The following EXOC3L4 variants were observed in gnomAD, a reference collection of about 807,000 sequenced individuals.
EXOC3L4 encodes exocyst complex component 3 like 4.
In EXOC3L4, 62 loss-of-function variants were observed where a neutral mutation model predicts 69.7. The observed-to-expected ratio is 0.89, with a 90% CI of 0.72 to 1.10. EXOC3L4 has a LOEUF of 1.10. Among genes scored for constraint, EXOC3L4 ranks in the 50% least tolerant of loss-of-function variants. EXOC3L4 has a pLI of 0.00. For synonymous variants in EXOC3L4, 502 were observed against 464.2 expected (o/e 1.08, Z -1.05); for missense variants, 1,087 against 1,034.8 (o/e 1.05, Z -0.69).
chr14:103,094,496 G>A (rs1002094314), upstream of EXOC3L4, among the ~76,000 whole-genome samples: 2 of 152,186 alleles, frequency 1.3e-5, no homozygotes, highest in African/African-American at 2.4e-5. Context: ...CTGCTGCCTC[G>A]AGACCCTGAG....
intron 3 of EXOC3L4, 28 bp downstream of exon 3, chr14:103,102,800 C>T (rs1412598332): frequency 6.1e-6 from 8 of 1,318,020 alleles, no homozygotes; most frequent in Non-Finnish European, 7.7e-6. Context: ...CGCCCAGTGG[C>T]GAGGACAGCT....
At position 103,107,081 on chromosome 14, in the gene EXOC3L4, G is replaced by A. The variant is rs146325839; in HGVS notation, c.1581+182G>A. ...AGCTGAGCAGGGGCGGCTGGGAGAC[G>A]CCTGCCTTCTCACTTCAGTCTCCAG... is the stretch of plus-strand genomic sequence containing the variant. On this transcript the variant is annotated intron_variant, in intron 8 of 11. Coordinates refer to ENST00000688303, the MANE Select transcript of EXOC3L4 (RefSeq NM_001077594.2). Among the ~76,000 whole-genome samples, 977 of 152,254 alleles carry A rather than the reference G, an allele frequency of 6.4e-3. 31 individuals are homozygous for A. The highest frequency in any genetic ancestry group is 7.7e-3 in the East Asian group (40 of 5,168).
rs771948873 is a variant in EXOC3L4 at position 103,104,372 on chromosome 14, T to C, written c.1267T>C (p.Ser423Pro). The change falls in exon 5 of 12, where the codon TCC becomes CCC. Residue 423 changes from serine (S) to proline (P), a missense_variant. By Grantham distance (74) the Ser-to-Pro change is moderately conservative. Transcript: ENST00000688303. ...VLQGLYQAPL[S>P]MDVHMLVAEH... ...GCAGGGCCTCTACCAGGCGCCGCTG[T>C]CCATGGACGTCCATATGGTGCGGCC... 3 of 1,581,158 alleles carry C rather than the reference T, an allele frequency of 1.9e-6. No individual in the cohort carries two copies. Among genetic ancestry groups the C allele is most frequent in the Non-Finnish European group, 2.6e-6 (3 of 1,164,966 alleles).
chr14:103,104,510 A>T, intron 5 of EXOC3L4, 121 bp downstream of exon 5: 1 of 1,375,016 alleles, frequency 7.3e-7, no homozygotes, highest in Non-Finnish European at 9.4e-7. Flanking sequence ...TGGGAGCCTG[A>T]GGCCCCACGC....
rs751114983 is a variant in EXOC3L4 at position 103,100,518 on chromosome 14, C to A, written c.299C>A (p.Ser100Tyr). The part of the protein sequence containing the change: ...ALNDGPATGH[S>Y]QATPEVPSGV... ...AATGACGGCCCAGCTACCGGCCATT[C>A]CCAGGCCACTCCTGAGGTGCCCTCG... is the stretch of plus-strand genomic sequence containing the variant. Residue 100 changes from serine to tyrosine, a missense_variant, in exon 2 of 12, where the codon TCC (serine) becomes TAC (tyrosine). Ser to Tyr is a moderately radical substitution (Grantham distance 144). Transcript: ENST00000688303. The A allele has an allele frequency of 4.3e-6, 7 of 1,612,894 alleles. No individual in the cohort carries two copies. In the South Asian group the frequency reaches 7.7e-5, roughly 18 times the overall value.
rs72706637 is a variant in EXOC3L4 at position 103,103,027 on chromosome 14, G to A, written c.1049+255G>A. Among the ~76,000 whole-genome samples, 170 of 152,356 alleles carry A rather than the reference G, an allele frequency of 1.1e-3. 1 individual carries two copies. The highest frequency in any genetic ancestry group is 6.8e-3 in the Middle Eastern group (2 of 294). On this transcript the variant is annotated intron_variant, in intron 3 of 11. Transcript: ENST00000688303. ...CCGCGGGGAGGTTCCCATGGGAGCA[G>A]GGCCTGTGCTGGTTCCACCAGGTGC...
At position 103,108,477 on chromosome 14, in the gene EXOC3L4, C is replaced by A. The variant is rs549171249; in HGVS notation, c.1936C>A (p.Arg646=). 1 of 1,613,942 alleles carries A rather than the reference C, an allele frequency of 6.2e-7. No homozygotes were observed. Among genetic ancestry groups the A allele is most frequent in the Non-Finnish European group, 8.5e-7 (1 of 1,179,888 alleles). The change falls in exon 11 of 12, where the codon CGG becomes AGG. Residue 646 remains arginine, a synonymous_variant. Transcript: ENST00000688303. ...LGETYKDDIQ[R]HLETLIRSYP... is the part of the protein sequence containing the mutation. ...CGAGACCTACAAAGATGACATCCAG[C>A]GGCACCTGGAGACTCTTATCCGGAG...
chr14:103,104,941 T>C, intron 6 of EXOC3L4, 51 bp from the exon 7 acceptor site: 1 of 1,584,336 alleles, frequency 6.3e-7, no homozygotes, highest in Non-Finnish European at 8.6e-7. Context: ...GGACCCAGGG[T>C]CATCGCGCAG....
Position 103,107,444 on chromosome 14 carries a change from C to T in EXOC3L4, c.1602C>T (p.Cys534=), listed in dbSNP as rs1326349972. 6 of 1,613,908 alleles carry T rather than the reference C, an allele frequency of 3.7e-6. No homozygotes were observed. In the African/African-American group the frequency reaches 5.3e-5, roughly 14 times the overall value. The change falls in exon 9 of 12, where the codon TGC becomes TGT. Residue 534 remains cysteine (C), a synonymous_variant. Transcript: ENST00000688303. ...RELQPLFRVV[C]TRDWLTQDWL... Reference sequence around the variant, plus strand: ...CCCAGCCGCTCTTCAGGGTTGTGTGCACCAGGGACTGGCTGACGCAGGACT... The same window carrying T: ...CCCAGCCGCTCTTCAGGGTTGTGTGTACCAGGGACTGGCTGACGCAGGACT...
chr14:103,105,710 C>A (rs886248932), intron 7 of EXOC3L4, among the ~76,000 whole-genome samples: 18 of 152,322 alleles, frequency 1.2e-4, no homozygotes, highest in African/African-American at 4.1e-4. Flanking sequence ...AAGGCAGACG[C>A]CCTCCCTGTG....
At chr14:103,101,402 C>G (rs923348969) in intron 2 of EXOC3L4, among the ~76,000 whole-genome samples, 3 of 152,150 alleles carry the variant, frequency 2.0e-5, no homozygotes, top group African/African-American at 4.8e-5. Context: ...GGGAGCCCCC[C>G]CATTGGGCAG....
intron 8 of EXOC3L4, 110 bp downstream of exon 8, chr14:103,107,009 A>T: frequency 5.2e-6 from 5 of 958,922 alleles, no homozygotes; most frequent in Non-Finnish European, 7.6e-6. Flanking sequence ...GGGTGAGCTC[A>T]TGGGTGTGTG....
intron 11 of EXOC3L4, among the ~76,000 whole-genome samples, chr14:103,108,785 C>T (rs1333461842): frequency 1.3e-5 from 2 of 152,136 alleles, no homozygotes; most frequent in Admixed American, 1.3e-4. Flanking sequence ...GGACCCCCCA[C>T]CCCTGGGGAG....
chr14:103,104,254 C>A lies in EXOC3L4; in HGVS notation c.1162-13C>A. The A allele has an allele frequency of 6.4e-7, 1 of 1,574,372 alleles. No homozygotes were observed. Among genetic ancestry groups the A allele is most frequent in the East Asian group, 2.3e-5 (1 of 42,896 alleles). ...GGGAGGGTCTCACCACGGCCCATCC[C>A]TTCTCCCCCCAGGCCAAGATCGCAA... On this transcript the variant is annotated splice_polypyrimidine_tract_variant and intron_variant, in intron 4 of 11. Coordinates refer to ENST00000688303, the MANE Select transcript of EXOC3L4 (RefSeq NM_001077594.2).
chr14:103,109,983 G>C, intron 11 of EXOC3L4, 48 bp from the exon 12 acceptor site: 1 of 1,521,904 alleles, frequency 6.6e-7, no homozygotes, highest in Non-Finnish European at 8.8e-7. Context: ...GGGGCTGGGG[G>C]TGTTGCGGAG....
intron 1 of EXOC3L4, chr14:103,098,882 T>A (rs749495161): frequency 2.0e-5 from 3 of 151,372 alleles, no homozygotes; most frequent in Non-Finnish European, 3.0e-5. Context: ...CGGGCCTCCA[T>A]CCAGCTGCTT....
In EXOC3L4 at chr14:103,108,462, A is replaced by G. The variant is rs750369988; in HGVS notation, c.1921A>G (p.Lys641Glu). Reference sequence around the variant, plus strand: ...GGCTGAGATCCTGGGCGAGACCTACAAAGATGACATCCAGCGGCACCTGGA... The same window carrying G: ...GGCTGAGATCCTGGGCGAGACCTACGAAGATGACATCCAGCGGCACCTGGA... ...CVAEILGETY[K>E]DDIQRHLETL... The change falls in exon 11 of 12, where the codon AAA becomes GAA. Residue 641 changes from lysine (K) to glutamate (E), a missense_variant. By Grantham distance (56) the Lys-to-Glu change is moderately conservative. Coordinates refer to ENST00000688303, the MANE Select transcript of EXOC3L4 (RefSeq NM_001077594.2). 1 of 1,613,974 alleles carries G rather than the reference A, an allele frequency of 6.2e-7. No individual in the cohort carries two copies. The highest frequency in any genetic ancestry group is 1.1e-5 in the South Asian group (1 of 91,086).
intron 7 of EXOC3L4, 43 bp downstream of exon 7, chr14:103,105,115 G>A: frequency 6.4e-7 from 1 of 1,564,810 alleles, no homozygotes; most frequent in Non-Finnish European, 8.7e-7. Flanking sequence ...GTGGCCAGCA[G>A]GGGGCGCGCG....
chr14:103,096,760 CA>C (rs748487957), intron 1 of EXOC3L4, among the ~76,000 whole-genome samples: 2 of 152,194 alleles, frequency 1.3e-5, no homozygotes, highest in Non-Finnish European at 2.9e-5. Context: ...CAGGAAAACC[CA>C]AGTGCTGTTG....
Sources: allele counts gnomAD v4.1 joint callset (sites outside exome capture counted in the v4.1 genomes callset), GRCh38; gene constraint gnomAD v4.1.1; transcripts MANE v1.5; gene names NCBI Gene and HGNC (gene_info 2026-07-23, HGNC 2026-07-21).